Variants in TYW1B observed in about 807,000 individuals in gnomAD.
The protein encoded by TYW1B is tRNA-yW synthesizing protein 1 homolog B, also known as S-adenosyl-L-methionine-dependent tRNA 4-demethylwyosine synthase TYW1B.
Under a neutral mutation model 86.9 loss-of-function variants are expected in TYW1B, and 73 were observed. The ratio of observed to expected loss-of-function variants is 0.84; its 90% CI spans 0.70 to 1.02. The LOEUF is 1.02. Ranked by LOEUF, TYW1B falls within the 50% of genes least tolerant of loss-of-function variation. The pLI is 0.00. For missense variants in TYW1B, 637 were observed against 827.4 expected, an observed-to-expected ratio of 0.77 and a Z score of 2.82; for synonymous variants, 248 against 292.8, an observed-to-expected ratio of 0.85 and a Z score of 1.56.
chr7:72,632,312 T>TATACACG (rs1491239231), intron 11 of TYW1B, among the ~76,000 whole-genome samples: 1 of 87,030 alleles, frequency 1.1e-5, no homozygotes, highest in African/African-American at 6.3e-5. Context: ...TGTATATATA[T>TATACACG]TATATATATT....
intron 12 of TYW1B, among the ~76,000 whole-genome samples, chr7:72,619,661 A>G (rs1174282598): frequency 2.0e-5 from 3 of 151,882 alleles, no homozygotes; most frequent in Non-Finnish European, 4.4e-5. Context: ...AAAAAAAAAA[A>G]AAAAAGAAAT....
chr7:72,617,435 G>A (rs1270461036), intron 12 of TYW1B, among the ~76,000 whole-genome samples: 3 of 152,046 alleles, frequency 2.0e-5, no homozygotes, highest in East Asian at 1.9e-4. Flanking sequence ...TGGCACAATC[G>A]CGGCTCACCA....
chr7:72,591,471 G>T (rs35715024), intron 13 of TYW1B, among the ~76,000 whole-genome samples: 1 of 152,150 alleles, frequency 6.6e-6, no homozygotes, highest in Admixed American at 6.5e-5. Context: ...ACATACAGGG[G>T]ATACTTAATA....
Position 72,810,592 on chromosome 7 carries a change from C to T in TYW1B, c.311G>A (p.Trp104Ter). 3.7e-6 allele frequency: 6 copies of T among 1,613,886 alleles called. No individual in the cohort carries two copies. Among genetic ancestry groups the T allele is most frequent in the South Asian group, 1.1e-5 (1 of 91,062 alleles). ...TGCTTCCTCTAACCATTTGCAGAAC[C>T]ACTCTGCACTTTCGGTTGGTAGGCC... ...TDGLPTESAE[W>*]FCKWLEEASI... The change falls in exon 4 of 14, where the codon TGG (tryptophan) becomes TAG (stop). Residue 104 changes from tryptophan to a stop codon, truncating the protein, a stop_gained. Transcript: ENST00000620995. LOFTEE classifies it high-confidence loss of function.
intron 3 of TYW1B, among the ~76,000 whole-genome samples, chr7:72,813,084 A>G (rs1421582024): frequency 6.6e-6 from 1 of 151,538 alleles, no homozygotes; most frequent in Admixed American, 6.6e-5. Context: ...CAGTGGCAAA[A>G]CTGAGTAGCT....
chr7:72,702,371 T>C (rs1381423973), intron 10 of TYW1B, among the ~76,000 whole-genome samples: 1 of 152,114 alleles, frequency 6.6e-6, no homozygotes, highest in African/African-American at 2.4e-5. Context: ...TTTACCGTGG[T>C]TGTGAGTTAC....
chr7:72,797,501 A>G (rs1414894982), intron 6 of TYW1B, among the ~76,000 whole-genome samples: 3 of 152,082 alleles, frequency 2.0e-5, no homozygotes, highest in Admixed American at 6.6e-5. Flanking sequence ...GGCCTTTATA[A>G]TAAAACTGCA....
chr7:72,731,971 A>C (rs1368264100), intron 8 of TYW1B, among the ~76,000 whole-genome samples: 1 of 152,132 alleles, frequency 6.6e-6, no homozygotes, highest in Non-Finnish European at 1.5e-5. Flanking sequence ...TAAAAAAAGC[A>C]AGCAAGAGTA....
At chr7:72,593,156 G>A (rs1488628931) in intron 13 of TYW1B, among the ~76,000 whole-genome samples, 1 of 151,862 alleles carries the variant, frequency 6.6e-6, no homozygotes, top group Non-Finnish European at 1.5e-5. Flanking sequence ...GCTGGGCATG[G>A]TGGCACATGC....
chr7:72,812,647 A>T (rs1788642071), intron 3 of TYW1B, among the ~76,000 whole-genome samples: 1 of 151,874 alleles, frequency 6.6e-6, no homozygotes, highest in African/African-American at 2.4e-5. Flanking sequence ...AACCACTAAG[A>T]CAGGGCCGGT....
chr7:72,610,114 T>C (rs1271348276), intron 13 of TYW1B, among the ~76,000 whole-genome samples: 1 of 152,240 alleles, frequency 6.6e-6, no homozygotes, highest in African/African-American at 2.4e-5. Context: ...CAAATAGAAC[T>C]GCTAGGTATC....
At chr7:72,631,739 A>AAT (rs1554439811) in intron 11 of TYW1B, among the ~76,000 whole-genome samples, 123 of 151,184 alleles carry the variant, frequency 8.1e-4, no homozygotes, top group Middle Eastern at 6.9e-3. Flanking sequence ...GTTACCAAAA[A>AAT]ATATATATAT....
chr7:72,793,469 G>A (rs1464780179), intron 6 of TYW1B, among the ~76,000 whole-genome samples: 4 of 151,754 alleles, frequency 2.6e-5, no homozygotes, highest in Admixed American at 6.6e-5. Context: ...TCCCCTGGCC[G>A]GGAACGGTGG....
intron 8 of TYW1B, among the ~76,000 whole-genome samples, chr7:72,735,584 A>T (rs1787183058): frequency 6.6e-6 from 1 of 151,322 alleles, no homozygotes; most frequent in African/African-American, 2.4e-5. Context: ...AAAAAAAAAA[A>T]AAAGGCCGAG....
At chr7:72,708,512 C>T (rs1814664586) in intron 10 of TYW1B, among the ~76,000 whole-genome samples, 1 of 152,144 alleles carries the variant, frequency 6.6e-6, no homozygotes, top group Non-Finnish European at 1.5e-5. Context: ...CAGCAAATAG[C>T]TGAACTTGCT....
intron 11 of TYW1B, among the ~76,000 whole-genome samples, chr7:72,647,060 G>A (rs1812946616): frequency 6.6e-6 from 1 of 152,148 alleles, no homozygotes; most frequent in African/African-American, 2.4e-5. Flanking sequence ...CTGTAGTTGA[G>A]GCTGTGTCAA....
intron 11 of TYW1B, among the ~76,000 whole-genome samples, chr7:72,652,376 T>TG (rs1296800055): frequency 7.2e-4 from 17 of 23,546 alleles, no homozygotes; most frequent in East Asian, 2.8e-3. Context: ...AGACTCTGTC[T>TG]GAAAAAAAAA....
intron 11 of TYW1B, among the ~76,000 whole-genome samples, chr7:72,681,096 A>C (rs1432601533): frequency 6.6e-6 from 1 of 152,320 alleles, no homozygotes; most frequent in East Asian, 1.9e-4. Context: ...TCCCTTGCCC[A>C]AAATTACACA....
intron 8 of TYW1B, among the ~76,000 whole-genome samples, chr7:72,736,155 T>A (rs34474525): frequency 1.3e-5 from 2 of 152,220 alleles, no homozygotes; most frequent in Non-Finnish European, 1.5e-5. Context: ...CCAGTTTCCA[T>A]TGGCTGGAAC....
Sources: gnomAD v4.1 joint callset for allele counts (sites outside exome capture counted in the v4.1 genomes callset) on GRCh38, gnomAD v4.1.1 for gene constraint, MANE v1.5 for transcripts, NCBI Gene and HGNC (gene_info 2026-07-23, HGNC 2026-07-21) for gene names.